AGBL4: variants seen among roughly 807,000 people sequenced by gnomAD.
The protein encoded by AGBL4 is cytosolic carboxypeptidase 6.
A neutral mutation model predicts 66.4 loss-of-function variants in AGBL4; 58 were observed. The observed-to-expected ratio is 0.87, with a 90% CI of 0.71 to 1.09. The LOEUF (loss-of-function observed/expected upper bound fraction) is 1.09, where lower values mean the gene tolerates loss of function less well. AGBL4 is among the 50% of genes least tolerant of loss of function. AGBL4 has a pLI of 0.00. For synonymous variants in AGBL4, 234 were observed against 222.9 expected (o/e 1.05, Z -0.44); for missense variants, 579 against 631.0 (o/e 0.92, Z 0.88).
the AGBL4 span, among the ~76,000 whole-genome samples, chr1:48,523,892 A>G: frequency 9.2e-5 from 14 of 152,284 alleles, 1 homozygote; most frequent in South Asian, 2.9e-3. Flanking sequence ...TAGGCTACAA[A>G]CCCGTCAAGT....
intron 6 of AGBL4, among the ~76,000 whole-genome samples, chr1:48,817,054 G>C (rs1646197122): frequency 1.3e-5 from 2 of 152,310 alleles, no homozygotes; most frequent in South Asian, 4.1e-4. Context: ...GTCCATTCTA[G>C]GAACTGTAAA....
chr1:48,904,460 T>C (rs1403580001), intron 5 of AGBL4, among the ~76,000 whole-genome samples: 1 of 152,230 alleles, frequency 6.6e-6, no homozygotes, highest in Non-Finnish European at 1.5e-5. Flanking sequence ...AAATGTTTAT[T>C]TGACAGTTTA....
intron 4 of AGBL4, among the ~76,000 whole-genome samples, chr1:49,125,689 C>T (rs1037618386): frequency 2.0e-5 from 3 of 152,114 alleles, no homozygotes; most frequent in Admixed American, 6.6e-5. Context: ...CCATTTAATT[C>T]ATTTGTTCCT....
At chr1:49,755,609 A>C (rs939716691) in intron 2 of AGBL4, among the ~76,000 whole-genome samples, 13 of 152,336 alleles carry the variant, frequency 8.5e-5, no homozygotes, top group South Asian at 2.1e-4. Flanking sequence ...CACACACACA[A>C]AAAATCTCCA....
intron 9 of AGBL4, among the ~76,000 whole-genome samples, chr1:48,621,143 G>C (rs1255662254): frequency 1.3e-5 from 2 of 152,196 alleles, no homozygotes; most frequent in Non-Finnish European, 2.9e-5. Context: ...CTTACAAAGA[G>C]GGTGAAGAGT....
intron 6 of AGBL4, among the ~76,000 whole-genome samples, chr1:48,821,067 C>A (rs1646301369): frequency 6.6e-6 from 1 of 152,082 alleles, no homozygotes; most frequent in Non-Finnish European, 1.5e-5. Flanking sequence ...CATCTTACAC[C>A]AGTAAGAATG....
chr1:49,813,477 C>A (rs754439136), intron 2 of AGBL4, among the ~76,000 whole-genome samples: 19 of 152,092 alleles, frequency 1.2e-4, no homozygotes, highest in Admixed American at 2.6e-4. Context: ...TCTCCTGACA[C>A]CACTCTTTAT....
chr1:48,978,021 C>T (rs1659476988), intron 5 of AGBL4, among the ~76,000 whole-genome samples: 1 of 152,124 alleles, frequency 6.6e-6, no homozygotes, highest in African/African-American at 2.4e-5. Context: ...GATAACATGA[C>T]CTTATCTAGA....
At chr1:48,897,384 G>A (rs1557437325) in intron 5 of AGBL4, among the ~76,000 whole-genome samples, 1 of 152,188 alleles carries the variant, frequency 6.6e-6, no homozygotes, top group Non-Finnish European at 1.5e-5. Context: ...ATCCATTGAT[G>A]GGCACTTAGG....
At chr1:49,337,201 A>G (rs1389708213) in intron 3 of AGBL4, among the ~76,000 whole-genome samples, 1 of 152,182 alleles carries the variant, frequency 6.6e-6, no homozygotes, top group Non-Finnish European at 1.5e-5. Context: ...TTTAGTTGTC[A>G]TAAGGACCAA....
chr1:48,789,448 T>C (rs574524311), intron 6 of AGBL4, among the ~76,000 whole-genome samples: 42 of 151,996 alleles, frequency 2.8e-4, no homozygotes, highest in African/African-American at 7.7e-4. Flanking sequence ...GCCACCACGC[T>C]TGGCTAATTT....
intron 4 of AGBL4, among the ~76,000 whole-genome samples, chr1:49,051,324 C>T (rs891995117): frequency 7.9e-5 from 12 of 152,106 alleles, no homozygotes; most frequent in South Asian, 2.1e-4. Flanking sequence ...GCTTGCTATC[C>T]GTTTGATGCA....
chr1:49,451,955 C>G (rs899478196), intron 3 of AGBL4, among the ~76,000 whole-genome samples: 8 of 151,880 alleles, frequency 5.3e-5, no homozygotes, highest in Non-Finnish European at 1.0e-4. Context: ...GAGATCCATA[C>G]ATATACAATA....
chr1:49,083,260 G>A lies in AGBL4; in HGVS notation c.378-37460C>T, dbSNP rs182202872. Reference sequence around the variant, plus strand: ...AGCAGTGTCCCAGTGGGGACTCTGCGTTGGGACTCCAACCCCACATTTCTC... The same window carrying A: ...AGCAGTGTCCCAGTGGGGACTCTGCATTGGGACTCCAACCCCACATTTCTC... On this transcript the variant is annotated intron_variant, in intron 4 of 13. Transcript: ENST00000371839. 2.1e-4 allele frequency among the ~76,000 whole-genome samples: 32 copies of A among 152,338 alleles called. No individual in the cohort carries two copies. The South Asian group carries it at 2.3e-3, about 11-fold the overall frequency.
At chr1:49,520,443 A>G (rs943901301) in intron 3 of AGBL4, among the ~76,000 whole-genome samples, 2 of 152,110 alleles carry the variant, frequency 1.3e-5, no homozygotes, top group African/African-American at 4.8e-5. Context: ...TTTGAATGGT[A>G]CATTTTAATG....
At chr1:49,050,203 T>A (rs1644180164) in intron 4 of AGBL4, among the ~76,000 whole-genome samples, 1 of 152,098 alleles carries the variant, frequency 6.6e-6, no homozygotes, top group Non-Finnish European at 1.5e-5. Context: ...TCCACATGAA[T>A]GAGGGAGGTC....
At chr1:48,811,963 G>A (rs1354038085) in intron 6 of AGBL4, among the ~76,000 whole-genome samples, 1 of 152,180 alleles carries the variant, frequency 6.6e-6, no homozygotes, top group Non-Finnish European at 1.5e-5. Flanking sequence ...CAGGGATTGG[G>A]TAACTGTGAG....
intron 2 of AGBL4, among the ~76,000 whole-genome samples, chr1:49,785,636 A>T (rs2147915234): frequency 6.6e-6 from 1 of 151,996 alleles, no homozygotes; most frequent in East Asian, 1.9e-4. Flanking sequence ...TTTTAATCTT[A>T]TTGCAAATTC....
chr1:48,735,861 C>A (rs1648957110), intron 6 of AGBL4, among the ~76,000 whole-genome samples: 2 of 152,130 alleles, frequency 1.3e-5, no homozygotes, highest in South Asian at 4.1e-4. Flanking sequence ...AGCAATACCT[C>A]ACCATACACA....
Sources: allele counts gnomAD v4.1 joint callset (sites outside exome capture counted in the v4.1 genomes callset), GRCh38; gene constraint gnomAD v4.1.1; transcripts MANE v1.5; gene names NCBI Gene and HGNC (gene_info 2026-07-23, HGNC 2026-07-21).